Variants in MYO7B observed in about 807,000 individuals in gnomAD.
MYO7B encodes myosin VIIB.
A neutral mutation model predicts 259.7 loss-of-function variants in MYO7B; 212 were observed. That is an observed-to-expected ratio of 0.82 (90% confidence interval 0.73 to 0.91). MYO7B has a LOEUF of 0.91. Among genes scored for constraint, MYO7B ranks in the 40% least tolerant of loss-of-function variants. MYO7B has a pLI of 0.00. For synonymous variants in MYO7B, 1,197 were observed against 1,166.4 expected (o/e 1.03, Z -0.54); for missense variants, 2,732 against 2,813.5 (o/e 0.97, Z 0.66).
chr2:127,570,298 A>AAAGTGGGAGAAAGCAG (rs1678541478), intron 6 of MYO7B, among the ~76,000 whole-genome samples: 1 of 152,220 alleles, frequency 6.6e-6, no homozygotes, highest in Non-Finnish European at 1.5e-5. Flanking sequence ...TGCAGAAGGC[A>AAAGTGGGAGAAAGCAG]AAGTGGGAGA....
At chr2:127,562,764 G>A (rs1288296933) in intron 2 of MYO7B, among the ~76,000 whole-genome samples, 1 of 151,982 alleles carries the variant, frequency 6.6e-6, no homozygotes, top group Non-Finnish European at 1.5e-5. Context: ...GGGATTCCAG[G>A]CATGAGCCAC....
chr2:127,635,122 G>T lies in MYO7B; in HGVS notation c.5716G>T (p.Ala1906Ser). 4 of 1,611,604 alleles carry T rather than the reference G, an allele frequency of 2.5e-6. No individual in the cohort carries two copies. Among genetic ancestry groups the T allele is most frequent in the Non-Finnish European group, 3.4e-6 (4 of 1,179,100 alleles). ...VKKNKPQKEG[A>S]PVTLPYQVYF... is the part of the protein sequence containing the mutation. ...GCCCACTGCTGGCCCTCGCCCAGGG[G>T]CCCCCGTGACGCTCCCCTACCAGGT... is the stretch of plus-strand genomic sequence containing the variant. Residue 1906 changes from alanine to serine, a missense_variant and splice_region_variant, in exon 43 of 48, where the codon GCC (alanine) becomes TCC (serine). Ala to Ser is a moderately conservative substitution (Grantham distance 99). Coordinates refer to ENST00000409816, the MANE Select transcript of MYO7B (RefSeq NM_001393586.1).
intron 1 of MYO7B, among the ~76,000 whole-genome samples, chr2:127,543,529 T>G (rs533842089): frequency 1.7e-4 from 26 of 152,190 alleles, no homozygotes; most frequent in South Asian, 1.0e-3. Context: ...AACAGTCTGA[T>G]CTCTCTTTCT....
At chr2:127,603,635 C>T (rs1680044118) in intron 19 of MYO7B, among the ~76,000 whole-genome samples, 1 of 152,284 alleles carries the variant, frequency 6.6e-6, no homozygotes, top group South Asian at 2.1e-4. Flanking sequence ...GTAGCTTTAA[C>T]GTGATTGTTA....
At chr2:127,558,298 A>G (rs186791327) in intron 1 of MYO7B, among the ~76,000 whole-genome samples, 1 of 152,364 alleles carries the variant, frequency 6.6e-6, no homozygotes, top group East Asian at 1.9e-4. Context: ...GCAATGTGAT[A>G]CCACCTTACT....
At chr2:127,608,184 C>T (rs1680231466) in intron 21 of MYO7B, among the ~76,000 whole-genome samples, 1 of 152,234 alleles carries the variant, frequency 6.6e-6, no homozygotes, top group Non-Finnish European at 1.5e-5. Context: ...AAAACTTGGT[C>T]TACTAAGCAC....
At chr2:127,610,070 C>G in intron 24 of MYO7B, 54 bp downstream of exon 24, 1 of 1,583,844 alleles carries the variant, frequency 6.3e-7, no homozygotes, top group Non-Finnish European at 8.6e-7. Flanking sequence ...AGGTGCCTAC[C>G]AGGGCCCAGT....
Position 127,618,357 on chromosome 2 carries a change from G to A in MYO7B, c.3399-1983G>A, listed in dbSNP as rs143934133. Among the ~76,000 whole-genome samples, 5 of 152,308 alleles carry A rather than the reference G, an allele frequency of 3.3e-5. No homozygotes were observed. The East Asian group carries it at 9.6e-4, about 29-fold the overall frequency. On this transcript the variant is annotated intron_variant, in intron 26 of 47. Coordinates refer to ENST00000409816, the MANE Select transcript of MYO7B (RefSeq NM_001393586.1). ...TCCCTACTCCTAGTAAGCAAAGACA[G>A]CCCCCACCCCAAGCTTCTTCAGCCC...
chr2:127,634,098 C>A, intron 40 of MYO7B, 78 bp from the exon 41 acceptor site: 2 of 1,183,720 alleles, frequency 1.7e-6, no homozygotes, highest in Non-Finnish European at 1.2e-6. Context: ...AGCAAAAGTG[C>A]CAGGCTAGGA....
intron 6 of MYO7B, 87 bp from the exon 7 acceptor site, chr2:127,573,833 C>T: frequency 1.9e-6 from 3 of 1,542,742 alleles, no homozygotes; most frequent in South Asian, 2.4e-5. Flanking sequence ...TTGGCCACCT[C>T]CTCTGAGAAG....
Position 127,607,034 on chromosome 2 carries a change from GCAATAACTCACTA to G in MYO7B, c.2425-171_2425-159del, listed in dbSNP as rs1680177229. Among the ~76,000 whole-genome samples the G allele has an allele frequency of 1.3e-5, 2 of 152,264 alleles. No homozygotes were observed. ...ACGCTCTGGCCTAAGTACTTTGTAAGCAATAACTCACTATTCTTGTGTTCATAGGTGTGTACCA... is the reference window on the plus strand; with the variant it reads ...ACGCTCTGGCCTAAGTACTTTGTAAGTTCTTGTGTTCATAGGTGTGTACCA... On this transcript the variant is annotated intron_variant, in intron 20 of 47. Transcript: ENST00000409816. The surrounding 1 kb of genome is among the most constrained non-coding windows in gnomAD (Gnocchi z 4.4).
chr2:127,567,686 C>CATTT (rs1558804383), intron 5 of MYO7B, among the ~76,000 whole-genome samples: 5 of 152,302 alleles, frequency 3.3e-5, no homozygotes, highest in South Asian at 2.1e-4. Flanking sequence ...TTCATTCATT[C>CATTT]ATTCAATCAT....
Position 127,620,343 on chromosome 2 carries a change from T to A in MYO7B, c.3402T>A (p.Asp1134Glu), listed in dbSNP as rs1306213788. Residue 1134 changes from aspartate to glutamate, a missense_variant, in exon 27 of 48, where the codon GAT (aspartate) becomes GAA (glutamate). Transcript: ENST00000409816. ...GYAILRPSLRDEIYCQICKQL... is the reference protein window; with the variant it reads ...GYAILRPSLREEIYCQICKQL... ...CCTAATGGTCTGTGTCTTTCAGGGA[T>A]GAGATTTACTGCCAGATCTGCAAGC... The A allele has an allele frequency of 7.5e-6, 12 of 1,608,822 alleles. No individual in the cohort carries two copies. Among genetic ancestry groups the A allele is most frequent in the Non-Finnish European group, 1.0e-5 (12 of 1,176,328 alleles).
At position 127,609,670 on chromosome 2, in the gene MYO7B, C is replaced by A. The variant is rs771548128; in HGVS notation, c.2979C>A (p.Pro993=). The A allele has an allele frequency of 3.1e-6, 5 of 1,613,966 alleles. No homozygotes were observed. Among genetic ancestry groups the A allele is most frequent in the Non-Finnish European group, 4.2e-6 (5 of 1,179,876 alleles). ...KSASHTHIRR[P]LRYPLLYHED... is the part of the protein sequence containing the mutation. ...CCAGCCACACACACATCCGGCGGCC[C>A]CTCCGATACCCGTTGCTTTACCACG... Residue 993 remains proline, a synonymous_variant, in exon 23 of 48, where the codon CCC becomes CCA. Transcript: ENST00000409816. The surrounding 1 kb of genome is among the most constrained non-coding windows in gnomAD (Gnocchi z 6.9).
At chr2:127,589,086 G>C (rs111067410) in intron 15 of MYO7B, among the ~76,000 whole-genome samples, 3,523 of 149,174 alleles carry the variant, frequency 0.024, 86 homozygotes, top group African/African-American at 0.063. Context: ...TGGGTGAATG[G>C]GTGTGTCGAT....
intron 26 of MYO7B, among the ~76,000 whole-genome samples, chr2:127,618,667 G>T (rs1478592129): frequency 1.3e-5 from 2 of 152,196 alleles, no homozygotes; most frequent in African/African-American, 4.8e-5. Flanking sequence ...CTTTCGGCCT[G>T]CATCAGTCAC....
rs200037456 is a variant in MYO7B, at chr2:127,633,315, C to T, written c.5463C>T (p.Asn1821=). The stretch of plus-strand genomic sequence containing the variant: ...TGGAGGTGGAGGCCGCAGAGCAGAA[C>T]GTCTCCCGCATCTGCCACAAGATCT... The part of the protein sequence containing the change: ...HQVEVEAAEQ[N]VSRICHKIYF... Residue 1821 remains asparagine, a synonymous_variant, in exon 40 of 48, where the codon AAC becomes AAT. Coordinates refer to ENST00000409816, the MANE Select transcript of MYO7B (RefSeq NM_001393586.1). The T allele has an allele frequency of 3.1e-6, 5 of 1,612,864 alleles. No individual in the cohort carries two copies. In the African/African-American group the frequency reaches 4.0e-5, roughly 13 times the overall value.
intron 1 of MYO7B, among the ~76,000 whole-genome samples, chr2:127,545,389 C>A (rs1000504504): frequency 6.6e-6 from 1 of 152,198 alleles, no homozygotes; most frequent in Non-Finnish European, 1.5e-5. Context: ...TGCCCAGGGG[C>A]CCCCTCCTTC....
In MYO7B at chr2:127,636,204, C is replaced by G. The variant is rs1681796030; in HGVS notation, c.6007-4C>G. 1.9e-6 allele frequency: 3 copies of G among 1,609,944 alleles called. No homozygotes were observed. The highest frequency in any genetic ancestry group is 2.5e-6 in the Non-Finnish European group (3 of 1,177,176). ...AAGTCCTTACTGGCCCTCCTGTCCCCCAGAGCATCCTTCTAGCCTATGACA... is the reference window on the plus strand; with the variant it reads ...AAGTCCTTACTGGCCCTCCTGTCCCGCAGAGCATCCTTCTAGCCTATGACA... On this transcript the variant is annotated splice_polypyrimidine_tract_variant and splice_region_variant and intron_variant, in intron 44 of 47. Coordinates refer to ENST00000409816, the MANE Select transcript of MYO7B (RefSeq NM_001393586.1). This position sits in a 1 kb window ranked among gnomAD's most constrained non-coding sequence, Gnocchi z 4.5.
Sources: gnomAD v4.1 joint callset for allele counts (sites outside exome capture counted in the v4.1 genomes callset) on GRCh38, gnomAD v4.1.1 for gene constraint, Gnocchi (gnomAD v3.1) non-coding constraint, MANE v1.5 for transcripts, NCBI Gene and HGNC (gene_info 2026-07-23, HGNC 2026-07-21) for gene names.